Variants in ZNF521 observed in about 807,000 individuals in gnomAD.
The protein encoded by ZNF521 is LYST-interacting protein 3.
Under a neutral mutation model 105.5 loss-of-function variants are expected in ZNF521, and 14 were observed. The observed-to-expected ratio is 0.13, with a 90% confidence interval of 0.09 to 0.21. ZNF521 has a LOEUF of 0.21. ZNF521 is among the 10% of genes least tolerant of loss of function. ZNF521 has a pLI of 1.00. For synonymous variants in ZNF521, 635 were observed against 606.0 expected (o/e 1.05, Z -0.70); for missense variants, 1,233 against 1,629.7 (o/e 0.76, Z 4.19).
chr18:25,265,367 A>G (rs1266434682), intron 3 of ZNF521, among the ~76,000 whole-genome samples: 1 of 152,224 alleles, frequency 6.6e-6, no homozygotes, highest in African/African-American at 2.4e-5. Flanking sequence ...TGGTAGAATT[A>G]CAATAAATGA....
chr18:25,113,361 G>A (rs767525796), intron 5 of ZNF521, among the ~76,000 whole-genome samples: 7 of 152,182 alleles, frequency 4.6e-5, no homozygotes, highest in African/African-American at 1.7e-4. Context: ...TAACAAGGCC[G>A]CCCAGCGCCA....
At chr18:25,335,375 G>A (rs552282142) in intron 2 of ZNF521, among the ~76,000 whole-genome samples, 1 of 152,210 alleles carries the variant, frequency 6.6e-6, no homozygotes, top group African/African-American at 2.4e-5. Context: ...GGTCTTCCCT[G>A]CTCTAAACTC....
In ZNF521 at chr18:25,089,489, C is replaced by T. The variant is rs1246205928; in HGVS notation, c.3882G>A (p.Lys1294=). ...CCTGCAGCTCTGTTTGGAAGAAAAA[C>T]TTCTGTGGACATTGTGTACAGTCAT... ...KIYDCTQCPQ[K]FFFQTELQNH... The change falls in exon 7 of 8, where the codon AAG becomes AAA. Residue 1294 remains lysine, a synonymous_variant. Coordinates refer to ENST00000361524, the MANE Select transcript of ZNF521 (RefSeq NM_015461.3). 6.2e-7 allele frequency: 1 copy of T among 1,614,142 alleles called. No individual in the cohort carries two copies. The highest frequency in any genetic ancestry group is 1.7e-5 in the Admixed American group (1 of 60,018).
chr18:25,242,906 G>A (rs995329331), intron 3 of ZNF521, among the ~76,000 whole-genome samples: 4 of 152,156 alleles, frequency 2.6e-5, no homozygotes, highest in East Asian at 1.9e-4. Context: ...CAATGCCATC[G>A]TGTTACAATA....
At chr18:25,330,463 C>T (rs1913506137) in intron 2 of ZNF521, among the ~76,000 whole-genome samples, 1 of 152,174 alleles carries the variant, frequency 6.6e-6, no homozygotes, top group South Asian at 2.1e-4. Flanking sequence ...CATGCCCAGC[C>T]ACCAGCTAAC....
chr18:25,256,649 C>T (rs548774354), intron 3 of ZNF521, among the ~76,000 whole-genome samples: 2 of 151,890 alleles, frequency 1.3e-5, no homozygotes, highest in Non-Finnish European at 2.9e-5. Context: ...GAGCGAAGTG[C>T]GGGGAAGGGA....
At chr18:25,342,223 C>T (rs1914236318) in intron 2 of ZNF521, among the ~76,000 whole-genome samples, 1 of 152,092 alleles carries the variant, frequency 6.6e-6, no homozygotes, top group Non-Finnish European at 1.5e-5. Flanking sequence ...TTAACCCTTG[C>T]CTCATGTCTG....
chr18:25,233,188 AT>A, intron 3 of ZNF521, among the ~76,000 whole-genome samples: 1 of 152,234 alleles, frequency 6.6e-6, no homozygotes, highest in Non-Finnish European at 1.5e-5. Context: ...TACAAAATAC[AT>A]TTTTAAAGCA....
At chr18:25,074,158 A>G (rs2033301447) in intron 7 of ZNF521, among the ~76,000 whole-genome samples, 1 of 152,232 alleles carries the variant, frequency 6.6e-6, no homozygotes, top group Non-Finnish European at 1.5e-5. Context: ...GGGCAAAAAA[A>G]AAGAGTTACA....
chr18:25,216,271 T>C, intron 4 of ZNF521, among the ~76,000 whole-genome samples: 1 of 152,230 alleles, frequency 6.6e-6, no homozygotes, highest in South Asian at 2.1e-4. Context: ...ATATTGATTC[T>C]AAGACACTTA....
intron 5 of ZNF521, among the ~76,000 whole-genome samples, chr18:25,171,308 G>A (rs1471404931): frequency 6.6e-6 from 1 of 152,032 alleles, no homozygotes; most frequent in Non-Finnish European, 1.5e-5. Context: ...TAAAAAGTAT[G>A]CCAGTCTTTG....
chr18:25,292,013 C>G (rs151222656), intron 3 of ZNF521, among the ~76,000 whole-genome samples: 1 of 151,706 alleles, frequency 6.6e-6, no homozygotes, highest in African/African-American at 2.4e-5. Context: ...TCATAATAGG[C>G]GCTCAATGAA....
chr18:25,235,065 A>G (rs1271737293), intron 3 of ZNF521, among the ~76,000 whole-genome samples: 1 of 152,306 alleles, frequency 6.6e-6, no homozygotes, highest in East Asian at 1.9e-4. Context: ...GTAGCAGTTC[A>G]TTGGTTAATA....
intron 3 of ZNF521, among the ~76,000 whole-genome samples, chr18:25,270,348 C>G (rs1009228919): frequency 6.6e-6 from 1 of 152,126 alleles, no homozygotes; most frequent in East Asian, 1.9e-4. Flanking sequence ...ACCAGAGGTA[C>G]AAAGAGGAGC....
chr18:25,170,571 T>C lies in ZNF521; in HGVS notation c.3658+24589A>G, dbSNP rs1037305285. 2.0e-5 allele frequency among the ~76,000 whole-genome samples: 3 copies of C among 152,182 alleles called. No homozygotes were observed. In the East Asian group the frequency reaches 5.8e-4, roughly 29 times the overall value. On this transcript the variant is annotated intron_variant, in intron 5 of 7. Transcript: ENST00000361524. ...TGAGTCTGTTGGTACACACTATCTC[T>C]GGTTTCAAATGACAAAGCTTAACAC...
Position 25,158,002 on chromosome 18 carries a change from C to T in ZNF521, c.3658+37158G>A, listed in dbSNP as rs2035178817. 2.6e-5 allele frequency among the ~76,000 whole-genome samples: 4 copies of T among 152,290 alleles called. No homozygotes were observed. In the South Asian group the frequency reaches 8.3e-4, roughly 32 times the overall value. ...CTCCTGACCTCAGGTGATTCACTCA[C>T]CTCGGCCTCCCAAAGTGCTGGGATT... On this transcript the variant is annotated intron_variant, in intron 5 of 7. Transcript: ENST00000361524.
chr18:25,228,371 G>A (rs774927082), intron 3 of ZNF521, among the ~76,000 whole-genome samples: 8 of 152,302 alleles, frequency 5.3e-5, no homozygotes, highest in Admixed American at 2.0e-4. Flanking sequence ...ACTGAAATTC[G>A]AATTCCATAG....
chr18:25,209,403 G>A (rs905990697), intron 4 of ZNF521, among the ~76,000 whole-genome samples: 5 of 152,144 alleles, frequency 3.3e-5, no homozygotes, highest in Admixed American at 1.3e-4. Context: ...GAGCCATGGC[G>A]CCCGGCCAAG....
intron 3 of ZNF521, among the ~76,000 whole-genome samples, chr18:25,236,123 G>A (rs138310279): frequency 2.4e-3 from 368 of 152,290 alleles, no homozygotes; most frequent in African/African-American, 8.3e-3. Flanking sequence ...CACTGAGATC[G>A]CTAGTGAGTA....
Sources: gnomAD v4.1 joint callset for allele counts (sites outside exome capture counted in the v4.1 genomes callset) on GRCh38, gnomAD v4.1.1 for gene constraint, MANE v1.5 for transcripts, NCBI Gene and HGNC (gene_info 2026-07-23, HGNC 2026-07-21) for gene names.